Variants in CRYBG2 observed in about 807,000 individuals in gnomAD.
CRYBG2 encodes the protein beta/gamma crystallin domain-containing protein 2.
Under a neutral mutation model 153.4 loss-of-function variants are expected in CRYBG2, and 106 were observed. The observed-to-expected ratio is 0.69, with a 90% CI of 0.59 to 0.81. The LOEUF (loss-of-function observed/expected upper bound fraction) is 0.81. Ranked by LOEUF, CRYBG2 falls within the 30% of genes least tolerant of loss-of-function variation. The probability of loss-of-function intolerance (pLI) is 0.00; values close to 1 mark genes in which losing one functional copy is unlikely to be tolerated. For missense variants in CRYBG2, 1,996 were observed against 2,112.0 expected (o/e 0.95, Z 1.08); for synonymous variants, 851 against 877.8 (o/e 0.97, Z 0.54).
intron 14 of CRYBG2, among the ~76,000 whole-genome samples, chr1:26,332,611 A>G (rs1283194909): frequency 1.3e-5 from 2 of 151,928 alleles, no homozygotes; most frequent in African/African-American, 4.8e-5. Flanking sequence ...GGTTTAAGCA[A>G]TTCTCCTGCA....
intron 1 of CRYBG2, among the ~76,000 whole-genome samples, chr1:26,348,888 G>C (rs1021171038): frequency 6.6e-6 from 1 of 151,616 alleles, no homozygotes; most frequent in African/African-American, 2.4e-5. Flanking sequence ...CAAAAATAAG[G>C]CTGGGTGCGG....
chr1:26,336,304 A>G lies in CRYBG2; in HGVS notation c.4071+34T>C. 1 of 1,612,512 alleles carries G rather than the reference A, an allele frequency of 6.2e-7. No homozygotes were observed. The highest frequency in any genetic ancestry group is 8.5e-7 in the Non-Finnish European group (1 of 1,179,170). The stretch of plus-strand genomic sequence containing the variant: ...GGTCCGAAATGAGGGGAGAGACGTG[A>G]GCCCAGCGGCTCCCTGCGGAGTCCC... On this transcript the variant is annotated intron_variant, in intron 13 of 19. Coordinates refer to ENST00000308182, the MANE Select transcript of CRYBG2 (RefSeq NM_001039775.4). The surrounding 1 kb of genome is among the most constrained non-coding windows in gnomAD (Gnocchi z 4.9).
chr1:26,324,855 A>G (rs535773808), intron 17 of CRYBG2: 1 of 152,366 alleles, frequency 6.6e-6, no homozygotes, highest in East Asian at 1.9e-4. Flanking sequence ...TGGCTCTGCC[A>G]TAAATCAGCT....
In CRYBG2 at chr1:26,354,053, G is replaced by C. The variant is rs772736823; in HGVS notation, c.-73C>G. On this transcript the variant is annotated 5_prime_UTR_variant, in exon 1 of 20. Coordinates refer to ENST00000308182, the MANE Select transcript of CRYBG2 (RefSeq NM_001039775.4). ...AGACCGACCTCTACTCACAGTCTGC[G>C]TGGGGACCCAGGTGTCCAGCCAGCC... 2.5e-6 allele frequency: 1 copy of C among 399,466 alleles called. No homozygotes were observed. Among genetic ancestry groups the C allele is most frequent in the Non-Finnish European group, 4.4e-6 (1 of 226,418 alleles). 24.7% of individuals were successfully genotyped at this position (399,466 alleles called of 1,614,324 possible).
intron 15 of CRYBG2, among the ~76,000 whole-genome samples, chr1:26,330,980 C>A (rs114264279): frequency 1.3e-5 from 2 of 152,220 alleles, no homozygotes; most frequent in Non-Finnish European, 2.9e-5. Context: ...CCGTCACTTC[C>A]ATCCATCTCT....
Position 26,343,652 on chromosome 1 carries a change from ACT to A in CRYBG2, c.2913+91_2913+92del. 1 of 1,386,642 alleles carries A rather than the reference ACT, an allele frequency of 7.2e-7. No individual in the cohort carries two copies. Among genetic ancestry groups the A allele is most frequent in the South Asian group, 1.6e-5 (1 of 61,212 alleles). The allele number at this position is 1,386,642 out of a possible 1,614,324, so 85.9% of individuals were successfully genotyped here. A position where few individuals can be genotyped will look rare whatever the true frequency, so the allele number is the denominator to read the frequency against. On this transcript the variant is annotated intron_variant, in intron 2 of 19. Coordinates refer to ENST00000308182, the MANE Select transcript of CRYBG2 (RefSeq NM_001039775.4). This position sits in a 1 kb window ranked among gnomAD's most constrained non-coding sequence, Gnocchi z 4.1. The stretch of plus-strand genomic sequence containing the variant: ...TTCAGACAGAAGCCTCTGCCCCCAG[ACT>A]CTGACTCCCAGCACCACTCTCTTCA...
rs767168601 is a variant in CRYBG2 at position 26,345,448 on chromosome 1, C to T, written c.1210G>A (p.Val404Ile). 2.4e-5 allele frequency: 38 copies of T among 1,601,574 alleles called. No individual in the cohort carries two copies. The highest frequency in any genetic ancestry group is 3.4e-5 in the Admixed American group (2 of 59,416). The part of the protein sequence containing the change: ...DGPVDPPAAT[V>I]LPMVRSEHVT... ...TGCTCGCTCCTCACCATGGGCAGGA[C>T]GGTGGCAGCAGGGGGGTCCACGGGC... Residue 404 changes from valine to isoleucine, a missense_variant, in exon 2 of 20, where the codon GTC becomes ATC. Coordinates refer to ENST00000308182, the MANE Select transcript of CRYBG2 (RefSeq NM_001039775.4).
chr1:26,347,360 C>T (rs1301478112), intron 1 of CRYBG2, among the ~76,000 whole-genome samples: 1 of 133,732 alleles, frequency 7.5e-6, no homozygotes, highest in African/African-American at 2.8e-5. Flanking sequence ...GTGGTATGAT[C>T]TTAGCTCACT....
intron 1 of CRYBG2, among the ~76,000 whole-genome samples, chr1:26,350,728 G>C (rs529363643): frequency 6.6e-6 from 1 of 152,010 alleles, no homozygotes; most frequent in East Asian, 1.9e-4. Context: ...TGACTTCCAA[G>C]CTACACTGAC....
Position 26,343,670 on chromosome 1 carries a change from A to T in CRYBG2, c.2913+75T>A. On this transcript the variant is annotated intron_variant, in intron 2 of 19. Coordinates refer to ENST00000308182, the MANE Select transcript of CRYBG2 (RefSeq NM_001039775.4). The surrounding 1 kb of genome is among the most constrained non-coding windows in gnomAD (Gnocchi z 4.1). ...CCCCCAGACTCTGACTCCCAGCACC[A>T]CTCTCTTCACACCACTCAAGCCTTG... The T allele has an allele frequency of 7.1e-7, 1 of 1,413,312 alleles. No homozygotes were observed. The highest frequency in any genetic ancestry group is 1.6e-5 in the South Asian group (1 of 61,904). The allele number at this position is 1,413,312 out of a possible 1,614,324, so 87.5% of individuals were successfully genotyped here.
At chr1:26,323,136 A>G (rs1172548886) in intron 18 of CRYBG2, among the ~76,000 whole-genome samples, 2 of 149,712 alleles carry the variant, frequency 1.3e-5, no homozygotes, top group Admixed American at 6.7e-5. Flanking sequence ...GCTGGTGTGC[A>G]GTGGTGTGAT....
At chr1:26,339,252 A>C in intron 6 of CRYBG2, 38 bp downstream of exon 6, 1 of 1,595,466 alleles carries the variant, frequency 6.3e-7, no homozygotes, top group Non-Finnish European at 8.5e-7. Flanking sequence ...AGCACAGTGA[A>C]TGTCAAATGA....
At chr1:26,338,914 A>G (rs966116421) in intron 6 of CRYBG2, among the ~76,000 whole-genome samples, 1 of 152,052 alleles carries the variant, frequency 6.6e-6, no homozygotes, top group African/African-American at 2.4e-5. Context: ...TCTTTTCCCC[A>G]TTTATTCAAT....
In CRYBG2 at chr1:26,343,718, C is replaced by T. The variant is rs1234869704; in HGVS notation, c.2913+27G>A. ...TTGACCCAGGTGAGGCCAGGCACCTCCCTTGCCCACCCGAGGCCTCACTTA... is the reference window on the plus strand; with the variant it reads ...TTGACCCAGGTGAGGCCAGGCACCTTCCTTGCCCACCCGAGGCCTCACTTA... On this transcript the variant is annotated intron_variant, in intron 2 of 19. Transcript: ENST00000308182. This position sits in a 1 kb window ranked among gnomAD's most constrained non-coding sequence, Gnocchi z 4.1. 2.1e-6 allele frequency: 3 copies of T among 1,443,364 alleles called. No individual in the cohort carries two copies. The highest frequency in any genetic ancestry group is 2.7e-6 in the Non-Finnish European group (3 of 1,096,128). 89.4% of individuals were successfully genotyped at this position (1,443,364 alleles called of 1,614,324 possible).
chr1:26,347,295 T>TTG (rs1553169237), intron 1 of CRYBG2, among the ~76,000 whole-genome samples: 2 of 136,914 alleles, frequency 1.5e-5, no homozygotes, highest in Non-Finnish European at 3.2e-5. Flanking sequence ...TTTTTTTTTT[T>TTG]TTTTTTTTTT....
intron 14 of CRYBG2, among the ~76,000 whole-genome samples, chr1:26,335,201 G>A (rs1264715101): frequency 6.6e-6 from 1 of 152,186 alleles, no homozygotes; most frequent in Non-Finnish European, 1.5e-5. Flanking sequence ...GGGTCGCCGG[G>A]CGCAGTGGCT....
intron 1 of CRYBG2, among the ~76,000 whole-genome samples, chr1:26,351,705 AG>A (rs2074288830): frequency 1.3e-5 from 2 of 152,180 alleles, no homozygotes; most frequent in African/African-American, 4.8e-5. Flanking sequence ...CCTGATAGCC[AG>A]TCATTCCACA....
In CRYBG2 at chr1:26,324,268, A is replaced by G. The variant is rs1251713175; in HGVS notation, c.4621T>C (p.Phe1541Leu). 1.2e-6 allele frequency: 2 copies of G among 1,611,604 alleles called. No homozygotes were observed. The highest frequency in any genetic ancestry group is 1.7e-6 in the Non-Finnish European group (2 of 1,179,892). The change falls in exon 18 of 20, where the codon TTC becomes CTC. Residue 1541 changes from phenylalanine (F) to leucine (L), a missense_variant. Phe to Leu is a conservative substitution (Grantham distance 22). Coordinates refer to ENST00000308182, the MANE Select transcript of CRYBG2 (RefSeq NM_001039775.4). Reference sequence around the variant, plus strand: ...TCCACATGGTCCGGCACTGCCAGGAATCCCCCCAGTGCTGCATTCCAGAGG... The same window carrying G: ...TCCACATGGTCCGGCACTGCCAGGAGTCCCCCCAGTGCTGCATTCCAGAGG... ...FRLWNAALGG[F>L]LAVPDHVEDM...
chr1:26,330,620 C>A (rs2073987655), intron 15 of CRYBG2, among the ~76,000 whole-genome samples: 1 of 144,330 alleles, frequency 6.9e-6, no homozygotes, highest in South Asian at 2.2e-4. Context: ...CTAACTGCAA[C>A]CTCTGCCTCC....
Sources: allele counts gnomAD v4.1 joint callset (sites outside exome capture counted in the v4.1 genomes callset), GRCh38; gene constraint gnomAD v4.1.1; non-coding constraint Gnocchi (gnomAD v3.1); transcripts MANE v1.5; gene names NCBI Gene and HGNC (gene_info 2026-07-23, HGNC 2026-07-21).